UTRN: variants seen among roughly 807,000 people sequenced by gnomAD.
The protein encoded by UTRN is utrophin, also known as dystrophin-related protein 1.
Under a neutral mutation model 463.9 loss-of-function variants are expected in UTRN, and 283 were observed. The observed-to-expected ratio is 0.61, with a 90% CI of 0.55 to 0.67. UTRN has a LOEUF of 0.67. Ranked by LOEUF, UTRN falls within the 30% of genes least tolerant of loss-of-function variation. The probability of loss-of-function intolerance (pLI) is 0.00; values close to 1 mark genes in which losing one functional copy is unlikely to be tolerated. For synonymous variants in UTRN, 1,442 were observed against 1,431.5 expected, an observed-to-expected ratio of 1.01 and a Z score of -0.17; for missense variants, 3,922 against 4,084.3, an observed-to-expected ratio of 0.96 and a Z score of 1.08.
intron 2 of UTRN, among the ~76,000 whole-genome samples, chr6:144,314,869 C>T (rs2473154): frequency 0.44 from 67,477 of 151,932 alleles, 16,437 homozygotes; most frequent in African/African-American, 0.65. Context: ...TCTCAGTGTC[C>T]ATTTGGTGCC....
Position 144,440,399 on chromosome 6 carries a change from A to G in UTRN, c.1440A>G (p.Leu480=), listed in dbSNP as rs747076821. ...CTGAACAGGTGAAAGTAAATTCACT[A>G]ACTCACATGGTGGTCATTGTTGATG... ...LEAEQVKVNS[L]THMVVIVDEN... The change falls in exon 13 of 75, where the codon CTA becomes CTG. Residue 480 remains leucine (L), a synonymous_variant. Coordinates refer to ENST00000367545, the MANE Select transcript of UTRN (RefSeq NM_007124.3). 2.0e-5 allele frequency: 33 copies of G among 1,614,088 alleles called. No homozygotes were observed. Among genetic ancestry groups the G allele is most frequent in the Non-Finnish European group, 2.6e-5 (31 of 1,180,030 alleles).
intron 54 of UTRN, among the ~76,000 whole-genome samples, chr6:144,737,424 C>T (rs141131386): frequency 6.6e-5 from 10 of 152,180 alleles, no homozygotes; most frequent in Admixed American, 2.0e-4. Flanking sequence ...TAAAACAAAA[C>T]GAGGTAGTCT....
intron 51 of UTRN, among the ~76,000 whole-genome samples, chr6:144,633,619 G>A (rs1776780217): frequency 6.6e-6 from 1 of 152,172 alleles, no homozygotes; most frequent in Admixed American, 6.5e-5. Flanking sequence ...CATTATCTCA[G>A]TGAACACACA....
intron 65 of UTRN, among the ~76,000 whole-genome samples, chr6:144,812,500 G>A (rs1662866949): frequency 1.3e-5 from 2 of 152,140 alleles, no homozygotes; most frequent in Admixed American, 1.3e-4. Flanking sequence ...TCAGCATAAA[G>A]TAAGATTATA....
At chr6:144,607,559 A>G (rs375094680) in intron 51 of UTRN, among the ~76,000 whole-genome samples, 3 of 152,174 alleles carry the variant, frequency 2.0e-5, no homozygotes, top group South Asian at 2.1e-4. Flanking sequence ...AAAGGACCAT[A>G]GGTTTCACTG....
chr6:144,337,194 C>CCACACACAAACACA (rs1554219231), intron 2 of UTRN, among the ~76,000 whole-genome samples: 25 of 126,784 alleles, frequency 2.0e-4, no homozygotes, highest in African/African-American at 8.3e-4. Context: ...CACACACACA[C>CCACACACAAACACA]CACACACACA....
intron 54 of UTRN, among the ~76,000 whole-genome samples, chr6:144,740,163 A>G (rs1236110509): frequency 6.6e-6 from 1 of 152,224 alleles, no homozygotes; most frequent in Non-Finnish European, 1.5e-5. Flanking sequence ...ACTAAGGCTT[A>G]TGTCACAAAA....
chr6:144,787,124 T>C (rs185553104), intron 61 of UTRN, among the ~76,000 whole-genome samples: 2 of 152,326 alleles, frequency 1.3e-5, no homozygotes, highest in East Asian at 3.9e-4. Context: ...CTTAGCCACA[T>C]TCATGTACTT....
At chr6:144,377,326 G>A (rs575741904) in intron 2 of UTRN, among the ~76,000 whole-genome samples, 2 of 152,202 alleles carry the variant, frequency 1.3e-5, no homozygotes, top group South Asian at 2.1e-4. Flanking sequence ...TGTGAGCCAC[G>A]GTGCCCGGCC....
rs12192454 is a variant in UTRN, at chr6:144,506,800, A to G, written c.4765-4144A>G. Among the ~76,000 whole-genome samples the G allele has an allele frequency of 6.5e-3, 987 of 152,160 alleles. 3 individuals carry two copies. Among genetic ancestry groups the G allele is most frequent in the Middle Eastern group, 0.024 (7 of 294 alleles). On this transcript the variant is annotated intron_variant, in intron 34 of 74. Coordinates refer to ENST00000367545, the MANE Select transcript of UTRN (RefSeq NM_007124.3). ...CATTCTCTGTATTTCCTGAAGTTGA[A>G]TGTTGGCCTGTCTTGCTAGGTTCGG...
At chr6:144,540,267 A>G (rs1209822151) in intron 45 of UTRN, among the ~76,000 whole-genome samples, 2 of 151,946 alleles carry the variant, frequency 1.3e-5, no homozygotes, top group Non-Finnish European at 2.9e-5. Context: ...AGTCATAGAT[A>G]TCTTTTTTGT....
intron 51 of UTRN, among the ~76,000 whole-genome samples, chr6:144,673,018 A>G (rs1453928843): frequency 2.0e-5 from 3 of 152,076 alleles, no homozygotes; most frequent in Non-Finnish European, 4.4e-5. Flanking sequence ...ATTTTATTCC[A>G]TTGTGGTCTT....
intron 52 of UTRN, among the ~76,000 whole-genome samples, chr6:144,679,777 AT>A (rs893261118): frequency 2.6e-5 from 4 of 151,752 alleles, no homozygotes; most frequent in Non-Finnish European, 4.4e-5. Context: ...ATGAATTAAA[AT>A]TTTTTTTTCT....
Position 144,444,309 on chromosome 6 carries a change from G to T in UTRN, c.1541G>T (p.Cys514Phe). Reference protein sequence around the residue: ...QKLGERWTAVCRWTEERWNRL... With the variant: ...QKLGERWTAVFRWTEERWNRL... ...CTTGGTGAGCGCTGGACAGCAGTAT[G>T]CCGTTGGACTGAAGAACGCTGGAAT... is the stretch of plus-strand genomic sequence containing the variant. The change falls in exon 14 of 75, where the codon TGC (cysteine) becomes TTC (phenylalanine). Residue 514 changes from cysteine (C) to phenylalanine (F), a missense_variant. Cys to Phe is a radical substitution (Grantham distance 205). This residue lies in a region of UTRN where 2,349 missense variants were observed against 2,303.8 expected (regional missense o/e 1.02). Transcript: ENST00000367545. 1.2e-6 allele frequency: 2 copies of T among 1,611,794 alleles called. No individual in the cohort carries two copies. Among genetic ancestry groups the T allele is most frequent in the Non-Finnish European group, 1.7e-6 (2 of 1,178,676 alleles).
chr6:144,724,577 T>C (rs1787640864), intron 53 of UTRN, among the ~76,000 whole-genome samples: 1 of 152,028 alleles, frequency 6.6e-6, no homozygotes. Flanking sequence ...AAGCAGTCAC[T>C]CCTATCCCTC....
intron 69 of UTRN, among the ~76,000 whole-genome samples, chr6:144,833,333 C>T (rs1488382660): frequency 6.6e-6 from 1 of 152,138 alleles, no homozygotes; most frequent in Non-Finnish European, 1.5e-5. Flanking sequence ...GCTCCATTGT[C>T]TTTGGACATT....
At chr6:144,730,277 G>A (rs1290512982) in intron 53 of UTRN, 80 bp from the exon 54 acceptor site, 2 of 1,373,036 alleles carry the variant, frequency 1.5e-6, no homozygotes, top group Admixed American at 5.1e-5. Context: ...AGTGTGGTCA[G>A]AAGTGGTATA....
intron 52 of UTRN, among the ~76,000 whole-genome samples, chr6:144,681,599 A>AG (rs1228907765): frequency 6.6e-6 from 1 of 151,936 alleles, no homozygotes; most frequent in African/African-American, 2.4e-5. Context: ...ATCTGATTGC[A>AG]GAGGACTAAA....
At chr6:144,780,168 C>G (rs1775692162) in intron 60 of UTRN, among the ~76,000 whole-genome samples, 1 of 152,080 alleles carries the variant, frequency 6.6e-6, no homozygotes, top group African/African-American at 2.4e-5. Context: ...GCTATTTGTT[C>G]ATTTTAGTTA....
Sources: gnomAD v4.1 joint callset for allele counts (sites outside exome capture counted in the v4.1 genomes callset) on GRCh38, gnomAD v4.1.1 for gene constraint, gnomAD v4.1.1 regional missense constraint, MANE v1.5 for transcripts, NCBI Gene and HGNC (gene_info 2026-07-23, HGNC 2026-07-21) for gene names.